The following LIN7A variants were observed in gnomAD, a reference collection of about 807,000 sequenced individuals.
The protein encoded by LIN7A is protein lin-7 homolog A.
Under a neutral mutation model 29.8 loss-of-function variants are expected in LIN7A, and 25 were observed. The ratio of observed to expected loss-of-function variants is 0.84; its 90% CI spans 0.61 to 1.17. The LOEUF is 1.17. LIN7A is among the 50% of genes most tolerant of loss of function. The pLI is 0.00. For missense variants in LIN7A, 239 were observed against 287.0 expected (o/e 0.83, Z 1.21); for synonymous variants, 118 against 107.5 (o/e 1.10, Z -0.60).
chr12:80,810,890 C>T (rs1288358901), intron 5 of LIN7A, among the ~76,000 whole-genome samples: 2 of 152,176 alleles, frequency 1.3e-5, no homozygotes, highest in Admixed American at 6.5e-5. Context: ...GTATGTTAGA[C>T]ACACTTTAAA....
intron 2 of LIN7A, among the ~76,000 whole-genome samples, chr12:80,850,007 A>C (rs1182871554): frequency 6.6e-6 from 1 of 152,154 alleles, no homozygotes; most frequent in Non-Finnish European, 1.5e-5. Context: ...TTTAGCAAAT[A>C]ATTGGAATAT....
chr12:80,917,221 T>TG (rs1877071044), intron 1 of LIN7A, among the ~76,000 whole-genome samples: 1 of 152,046 alleles, frequency 6.6e-6, no homozygotes, highest in Non-Finnish European at 1.5e-5. Flanking sequence ...TGTGAAAAAT[T>TG]AAAAAATACT....
chr12:80,905,783 T>C (rs1876446949), intron 1 of LIN7A, among the ~76,000 whole-genome samples: 1 of 152,186 alleles, frequency 6.6e-6, no homozygotes, highest in Admixed American at 6.5e-5. Context: ...TATTTTAATA[T>C]TATATTGCTG....
intron 2 of LIN7A, among the ~76,000 whole-genome samples, chr12:80,879,717 A>G (rs1361288852): frequency 6.6e-6 from 1 of 151,388 alleles, no homozygotes; most frequent in Non-Finnish European, 1.5e-5. Flanking sequence ...ATAGGAAAAT[A>G]TCGGTGTTAT....
intron 1 of LIN7A, among the ~76,000 whole-genome samples, chr12:80,899,011 G>A (rs749335457): frequency 5.3e-5 from 8 of 151,964 alleles, no homozygotes; most frequent in Non-Finnish European, 1.2e-4. Flanking sequence ...GGCTAATCCA[G>A]TACTATGTCG....
chr12:80,798,180 T>A (rs1870542166), intron 5 of LIN7A, among the ~76,000 whole-genome samples: 1 of 152,164 alleles, frequency 6.6e-6, no homozygotes, highest in South Asian at 2.1e-4. Context: ...CTGTCTCTCT[T>A]CATAAGGTCA....
intron 2 of LIN7A, among the ~76,000 whole-genome samples, chr12:80,865,314 T>C (rs1323545272): frequency 1.3e-5 from 2 of 152,190 alleles, no homozygotes; most frequent in Non-Finnish European, 2.9e-5. Flanking sequence ...TCATCTGTCA[T>C]TTTAAAAAAA....
At chr12:80,825,914 A>G (rs1872056073) in intron 4 of LIN7A, among the ~76,000 whole-genome samples, 2 of 152,214 alleles carry the variant, frequency 1.3e-5, no homozygotes, top group South Asian at 4.1e-4. Context: ...AATTTAATAT[A>G]AAACATCAGG....
intron 1 of LIN7A, among the ~76,000 whole-genome samples, chr12:80,891,467 C>T (rs1008590890): frequency 2.6e-5 from 4 of 152,212 alleles, no homozygotes; most frequent in Non-Finnish European, 5.9e-5. Flanking sequence ...AGACATGCCA[C>T]AGAATTCCAC....
At chr12:80,829,995 G>A (rs1872268217) in intron 4 of LIN7A, among the ~76,000 whole-genome samples, 2 of 152,120 alleles carry the variant, frequency 1.3e-5, no homozygotes, top group South Asian at 4.1e-4. Flanking sequence ...TGCAGATACA[G>A]GCTGAAGTCT....
At chr12:80,856,411 G>C (rs2121549663) in intron 2 of LIN7A, among the ~76,000 whole-genome samples, 1 of 152,282 alleles carries the variant, frequency 6.6e-6, no homozygotes, top group South Asian at 2.1e-4. Flanking sequence ...AATAAATGTG[G>C]CAAATTGGTT....
chr12:80,836,308 C>G lies in LIN7A; in HGVS notation c.483+9422G>C, dbSNP rs1411480292. On this transcript the variant is annotated intron_variant, in intron 4 of 5. Transcript: ENST00000552864. Reference sequence around the variant, plus strand: ...AAGCTCTTTCTTATGATAACAGACTCTTCTCCTTAATCTCAGTTTAAATGT... The same window carrying G: ...AAGCTCTTTCTTATGATAACAGACTGTTCTCCTTAATCTCAGTTTAAATGT... Among the ~76,000 whole-genome samples the G allele has an allele frequency of 2.0e-5, 3 of 152,162 alleles. No individual in the cohort carries two copies. The East Asian group carries it at 5.8e-4, about 29-fold the overall frequency.
At chr12:80,917,361 G>T (rs1592949097) in intron 1 of LIN7A, among the ~76,000 whole-genome samples, 1 of 152,288 alleles carries the variant, frequency 6.6e-6, no homozygotes, top group Non-Finnish European at 1.5e-5. Flanking sequence ...AGGATGACCA[G>T]ATCAATGTCT....
chr12:80,869,762 CTT>C (rs953269191), intron 2 of LIN7A, among the ~76,000 whole-genome samples: 1 of 137,118 alleles, frequency 7.3e-6, no homozygotes, highest in Non-Finnish European at 1.6e-5. Flanking sequence ...TTTTTTTTTT[CTT>C]TTTTTGCAAA....
chr12:80,895,182 T>C (rs1489543095), intron 1 of LIN7A, among the ~76,000 whole-genome samples: 1 of 152,226 alleles, frequency 6.6e-6, no homozygotes, highest in Admixed American at 6.5e-5. Context: ...CAGTGGATCA[T>C]TGAAAGATGA....
At chr12:80,891,768 G>A (rs965649696) in intron 1 of LIN7A, among the ~76,000 whole-genome samples, 1 of 152,172 alleles carries the variant, frequency 6.6e-6, no homozygotes, top group Admixed American at 6.5e-5. Context: ...GCTAAGCAGA[G>A]TCCTAGGTAG....
At chr12:80,838,839 G>T (rs768467379) in intron 4 of LIN7A, among the ~76,000 whole-genome samples, 2 of 152,144 alleles carry the variant, frequency 1.3e-5, no homozygotes, top group African/African-American at 2.4e-5. Flanking sequence ...GCAAGCATCT[G>T]CTCCCCTCTA....
chr12:80,867,310 C>G (rs1874193210), intron 2 of LIN7A, among the ~76,000 whole-genome samples: 1 of 152,162 alleles, frequency 6.6e-6, no homozygotes, highest in African/African-American at 2.4e-5. Context: ...TCCACTCATG[C>G]CCCATTGGCT....
intron 4 of LIN7A, among the ~76,000 whole-genome samples, chr12:80,822,225 A>G (rs1871840492): frequency 6.6e-6 from 1 of 152,162 alleles, no homozygotes; most frequent in South Asian, 2.1e-4. Context: ...CTGCTTATAA[A>G]ACCATCAGAT....
Sources: allele counts gnomAD v4.1 joint callset (sites outside exome capture counted in the v4.1 genomes callset), GRCh38; gene constraint gnomAD v4.1.1; transcripts MANE v1.5; gene names NCBI Gene and HGNC (gene_info 2026-07-23, HGNC 2026-07-21).